Variants in PALS2 observed in about 807,000 individuals in gnomAD.
PALS2 encodes protein PALS2.
Under a neutral mutation model 61.6 loss-of-function variants are expected in PALS2, and 27 were observed. That is an observed-to-expected ratio of 0.44 (90% CI 0.32 to 0.60). The LOEUF (loss-of-function observed/expected upper bound fraction) is 0.60. PALS2 is among the 20% of genes least tolerant of loss of function. The pLI is 0.05. For synonymous variants in PALS2, 236 were observed against 218.6 expected (o/e 1.08, Z -0.70); for missense variants, 554 against 639.4 (o/e 0.87, Z 1.44).
rs143528096 is a variant in PALS2 at position 24,663,414 on chromosome 7, C to A, written c.652-176C>A. ...AAGAAGTTTTATTATCTTTCTGATA[C>A]CAAAATCTGTTAATATTCTAATAAC... On this transcript the variant is annotated intron_variant, in intron 5 of 11. Coordinates refer to ENST00000222644, the MANE Select transcript of PALS2 (RefSeq NM_001303037.2). The A allele has an allele frequency of 2.0e-3, 1,059 of 518,654 alleles. 17 individuals carry two copies. The highest frequency in any genetic ancestry group is 0.02 in the African/African-American group (996 of 49,626). 32.1% of individuals were successfully genotyped at this position (518,654 alleles called of 1,614,324 possible). A position where few individuals can be genotyped will look rare whatever the true frequency, so the allele number is the denominator to read the frequency against.
At chr7:24,628,934 C>T (rs1052883860) in intron 2 of PALS2, among the ~76,000 whole-genome samples, 1 of 152,138 alleles carries the variant, frequency 6.6e-6, no homozygotes. Context: ...TATATAATCT[C>T]AATGCTATTC....
chr7:24,668,755 C>T, intron 9 of PALS2, 95 bp downstream of exon 9: 1 of 1,433,590 alleles, frequency 7.0e-7, no homozygotes, highest in East Asian at 2.3e-5. Flanking sequence ...TATTGTTATT[C>T]CCAAATAAGT....
intron 6 of PALS2, among the ~76,000 whole-genome samples, chr7:24,664,927 G>T (rs1356608319): frequency 6.6e-6 from 1 of 151,362 alleles, no homozygotes; most frequent in East Asian, 1.9e-4. Flanking sequence ...CTGTTTTTCA[G>T]GATTTTAAGT....
At chr7:24,656,155 C>G (rs1454171371) in intron 5 of PALS2, among the ~76,000 whole-genome samples, 1 of 152,124 alleles carries the variant, frequency 6.6e-6, no homozygotes, top group Non-Finnish European at 1.5e-5. Flanking sequence ...GGGCCTGGAA[C>G]TATGGTTTAA....
intron 1 of PALS2, among the ~76,000 whole-genome samples, chr7:24,584,438 T>G (rs1391807269): frequency 2.7e-5 from 4 of 149,886 alleles, no homozygotes; most frequent in East Asian, 2.0e-4. Flanking sequence ...TTTCATGTGT[T>G]TTTTGGCTGC....
chr7:24,606,420 T>G (rs1783901218), intron 1 of PALS2, among the ~76,000 whole-genome samples: 1 of 152,172 alleles, frequency 6.6e-6, no homozygotes, highest in Non-Finnish European at 1.5e-5. Flanking sequence ...TATGTCAAAG[T>G]GAATTTAAGT....
chr7:24,679,245 A>T lies in PALS2; in HGVS notation c.1229A>T (p.Tyr410Phe). 6.2e-7 allele frequency: 1 copy of T among 1,614,098 alleles called. No individual in the cohort carries two copies. The highest frequency in any genetic ancestry group is 8.5e-7 in the Non-Finnish European group (1 of 1,179,944). ...KAGKYLEHGE[Y>F]EGNLYGTKID... ...GGAAAGTATTTGGAACATGGGGAAT[A>T]TGAAGGAAATCTCTATGGAACCAAA... Residue 410 changes from tyrosine (Y) to phenylalanine (F), a missense_variant, in exon 10 of 12, where the codon TAT (tyrosine) becomes TTT (phenylalanine). Coordinates refer to ENST00000222644, the MANE Select transcript of PALS2 (RefSeq NM_001303037.2).
chr7:24,605,202 T>C lies in PALS2; in HGVS notation c.-2-18464T>C, dbSNP rs371573545. 8.2e-4 allele frequency among the ~76,000 whole-genome samples: 125 copies of C among 152,356 alleles called. 1 individual carries two copies. Among genetic ancestry groups the C allele is most frequent in the Non-Finnish European group, 1.6e-3 (111 of 68,034 alleles). The stretch of plus-strand genomic sequence containing the variant: ...TACTAAACTTTCATAGTCACAACTT[T>C]GTTATCAAGTGAAAGAAATCATTGT... On this transcript the variant is annotated intron_variant, in intron 1 of 11. Transcript: ENST00000222644.
At chr7:24,598,747 A>G (rs878887424) in intron 1 of PALS2, among the ~76,000 whole-genome samples, 1 of 152,136 alleles carries the variant, frequency 6.6e-6, no homozygotes, top group East Asian at 1.9e-4. Flanking sequence ...TAATATTTGG[A>G]CTATGTTTTA....
intron 3 of PALS2, among the ~76,000 whole-genome samples, chr7:24,645,218 C>G (rs1405072942): frequency 6.6e-6 from 1 of 151,996 alleles, no homozygotes; most frequent in Non-Finnish European, 1.5e-5. Flanking sequence ...TTCCTATGGC[C>G]AGGATGGTAT....
chr7:24,580,848 A>G (rs918132891), intron 1 of PALS2, among the ~76,000 whole-genome samples: 2 of 152,176 alleles, frequency 1.3e-5, no homozygotes, highest in African/African-American at 4.8e-5. Context: ...AATATTATAG[A>G]TACCACCATG....
intron 1 of PALS2, among the ~76,000 whole-genome samples, chr7:24,598,834 G>A (rs566785850): frequency 6.6e-6 from 1 of 152,296 alleles, no homozygotes; most frequent in Non-Finnish European, 1.5e-5. Flanking sequence ...ATGCCCAGAA[G>A]GGATGACTGG....
At chr7:24,643,404 G>A (rs541435572) in intron 3 of PALS2, among the ~76,000 whole-genome samples, 14 of 152,010 alleles carry the variant, frequency 9.2e-5, no homozygotes, top group East Asian at 5.8e-4. Context: ...TACTCTTAGC[G>A]CATATTCATC....
At chr7:24,680,943 C>G (rs981772724) in intron 11 of PALS2, among the ~76,000 whole-genome samples, 3 of 152,164 alleles carry the variant, frequency 2.0e-5, no homozygotes, top group Non-Finnish European at 4.4e-5. Flanking sequence ...ATATAAGGTG[C>G]TACAGAATGA....
At chr7:24,599,525 T>TTTTTTTTTTTTTTTTTG (rs4000763) in intron 1 of PALS2, among the ~76,000 whole-genome samples, 1 of 143,624 alleles carries the variant, frequency 7.0e-6, no homozygotes. Flanking sequence ...TTTTTTTTTT[T>TTTTTTTTTTTTTTTTTG]ATGGAGTCTT....
At chr7:24,625,040 C>A (rs1248932339) in intron 2 of PALS2, among the ~76,000 whole-genome samples, 1 of 152,144 alleles carries the variant, frequency 6.6e-6, no homozygotes, top group Non-Finnish European at 1.5e-5. Context: ...TATAGCCTTT[C>A]CAATGTTCAT....
chr7:24,676,092 T>C (rs1238089526), intron 9 of PALS2, among the ~76,000 whole-genome samples: 2 of 150,072 alleles, frequency 1.3e-5, no homozygotes, highest in Non-Finnish European at 3.0e-5. Flanking sequence ...TTCTAACTGG[T>C]GTGAGATGGT....
At chr7:24,670,359 C>G (rs1415491487) in intron 9 of PALS2, among the ~76,000 whole-genome samples, 2 of 151,348 alleles carry the variant, frequency 1.3e-5, no homozygotes, top group East Asian at 3.9e-4. Context: ...CTGGAGACCT[C>G]TGTCTCAGAA....
intron 11 of PALS2, among the ~76,000 whole-genome samples, chr7:24,684,575 G>A (rs988924736): frequency 2.6e-5 from 4 of 152,174 alleles, no homozygotes; most frequent in African/African-American, 7.2e-5. Context: ...GTGGGAGATA[G>A]CATTTAAAGA....
Sources: gnomAD v4.1 joint callset for allele counts (sites outside exome capture counted in the v4.1 genomes callset) on GRCh38, gnomAD v4.1.1 for gene constraint, MANE v1.5 for transcripts, NCBI Gene and HGNC (gene_info 2026-07-23, HGNC 2026-07-21) for gene names.